EEF2K: variants seen among roughly 807,000 people sequenced by gnomAD.
The protein encoded by EEF2K is alternative protein EEF2K.
A neutral mutation model predicts 93.8 loss-of-function variants in EEF2K; 70 were observed. That is an observed-to-expected ratio of 0.75 (90% CI 0.62 to 0.91). The LOEUF is 0.91. Among genes scored for constraint, EEF2K ranks in the 40% least tolerant of loss-of-function variants. The pLI is 0.00. For synonymous variants in EEF2K, 376 were observed against 380.8 expected (o/e 0.99, Z 0.15); for missense variants, 935 against 972.9 (o/e 0.96, Z 0.52).
intron 1 of EEF2K, among the ~76,000 whole-genome samples, chr16:22,216,494 A>G (rs562514393): frequency 6.6e-6 from 1 of 152,306 alleles, no homozygotes; most frequent in South Asian, 2.1e-4. Context: ...TCACTCATTC[A>G]CAGCACAAAA....
chr16:22,224,657 AGAAAAAG>A (rs1373818448), intron 1 of EEF2K, among the ~76,000 whole-genome samples: 5 of 124,320 alleles, frequency 4.0e-5, no homozygotes, highest in Non-Finnish European at 6.3e-5. Context: ...AGAAAAGAAA[AGAAAAAG>A]AAAAAAGTCC....
chr16:22,270,434 T>C (rs2047567520), intron 15 of EEF2K, among the ~76,000 whole-genome samples: 1 of 151,792 alleles, frequency 6.6e-6, no homozygotes, highest in South Asian at 2.1e-4. Context: ...CTAATTTTTG[T>C]ATGTTTAGTG....
chr16:22,209,798 T>C (rs1273466557), intron 1 of EEF2K, among the ~76,000 whole-genome samples: 1 of 152,156 alleles, frequency 6.6e-6, no homozygotes, highest in Non-Finnish European at 1.5e-5. Flanking sequence ...GGCTTCTTTT[T>C]TGTTGTTGTT....
At chr16:22,260,575 G>A in intron 11 of EEF2K, 46 bp downstream of exon 11, 1 of 1,611,746 alleles carries the variant, frequency 6.2e-7, no homozygotes, top group East Asian at 2.2e-5. Context: ...CCCCAGCAGG[G>A]GTAGGAGTGG....
intron 6 of EEF2K, among the ~76,000 whole-genome samples, chr16:22,252,464 C>T (rs768738140): frequency 3.3e-5 from 5 of 152,152 alleles, no homozygotes; most frequent in African/African-American, 9.7e-5. Flanking sequence ...CCCAGAGCTG[C>T]GTTTCATTGG....
At chr16:22,242,477 T>A (rs1017683807) in intron 2 of EEF2K, among the ~76,000 whole-genome samples, 1 of 142,092 alleles carries the variant, frequency 7.0e-6, no homozygotes, top group African/African-American at 2.5e-5. Context: ...TGCACCCAGC[T>A]TTTTTTTTTT....
intron 15 of EEF2K, among the ~76,000 whole-genome samples, chr16:22,271,222 G>A (rs912989098): frequency 2.0e-5 from 3 of 151,492 alleles, no homozygotes; most frequent in Non-Finnish European, 2.9e-5. Context: ...TGCCCACCTC[G>A]GCCTCCCAAA....
rs879665459 is a variant in EEF2K at position 22,270,123 on chromosome 16, C to CT, written c.1764+3259dup. ...AGGTGCCTGCCACCAAACCCGGCTA[C>CT]TTTTTTTTTTTTGAGATGAAGTCTT... On this transcript the variant is annotated intron_variant, in intron 15 of 17. Transcript: ENST00000263026. Among the ~76,000 whole-genome samples, 518 of 144,378 alleles carry CT rather than the reference C, an allele frequency of 3.6e-3. 1 individual carries two copies. Among genetic ancestry groups the CT allele is most frequent in the Middle Eastern group, 0.011 (3 of 282 alleles). The allele number at this position is 144,378 out of a possible 152,430, so 94.7% of individuals were successfully genotyped here. A position where few individuals can be genotyped will look rare whatever the true frequency, so the allele number is the denominator to read the frequency against.
At chr16:22,220,493 C>T (rs2047001319) in intron 1 of EEF2K, among the ~76,000 whole-genome samples, 1 of 152,064 alleles carries the variant, frequency 6.6e-6, no homozygotes, top group Admixed American at 6.6e-5. Flanking sequence ...CTCTGTTGCC[C>T]AGGCAGTGGC....
At chr16:22,244,961 T>A (rs998902022) in intron 3 of EEF2K, among the ~76,000 whole-genome samples, 5 of 152,112 alleles carry the variant, frequency 3.3e-5, no homozygotes, top group South Asian at 2.1e-4. Context: ...CTAGTTTTTT[T>A]AAATTGTTGC....
At chr16:22,273,983 C>A (rs1434688854) in intron 16 of EEF2K, among the ~76,000 whole-genome samples, 3 of 152,224 alleles carry the variant, frequency 2.0e-5, no homozygotes, top group Non-Finnish European at 4.4e-5. Flanking sequence ...GAGATGCTGA[C>A]TGTAACCCTT....
At chr16:22,281,219 G>A (rs1317671942) in intron 17 of EEF2K, among the ~76,000 whole-genome samples, 2 of 152,142 alleles carry the variant, frequency 1.3e-5, no homozygotes, top group Non-Finnish European at 1.5e-5. Context: ...GAGCCACCAT[G>A]CCTGGCCTCC....
chr16:22,236,731 A>C (rs1039122366), intron 2 of EEF2K, among the ~76,000 whole-genome samples: 2 of 150,086 alleles, frequency 1.3e-5, no homozygotes, highest in African/African-American at 4.9e-5. Context: ...CTCCACCCTC[A>C]CTCCTGGCAT....
intron 4 of EEF2K, 130 bp from the exon 5 acceptor site, chr16:22,250,524 G>C: frequency 1.9e-6 from 2 of 1,078,636 alleles, no homozygotes; most frequent in Non-Finnish European, 2.8e-6. Context: ...AGATCCCCAG[G>C]GATTTCAGGA....
chr16:22,243,117 C>T (rs2047241825), intron 2 of EEF2K, among the ~76,000 whole-genome samples: 1 of 151,840 alleles, frequency 6.6e-6, no homozygotes, highest in African/African-American at 2.4e-5. Flanking sequence ...GGTTCTAGCT[C>T]TGAGCTTAGA....
At chr16:22,233,323 A>G (rs1270432564) in intron 2 of EEF2K, among the ~76,000 whole-genome samples, 4 of 152,132 alleles carry the variant, frequency 2.6e-5, no homozygotes, top group Non-Finnish European at 5.9e-5. Context: ...ATTTTCTAGA[A>G]TAAGCATAGG....
chr16:22,253,503 G>T (rs2047371001), intron 6 of EEF2K, among the ~76,000 whole-genome samples: 1 of 152,106 alleles, frequency 6.6e-6, no homozygotes, highest in East Asian at 1.9e-4. Context: ...GGCCCTGGCT[G>T]TGGGCTTGGC....
chr16:22,247,037 C>CAAAAAAAAAAA (rs57073413), intron 3 of EEF2K, among the ~76,000 whole-genome samples: 1 of 13,696 alleles, frequency 7.3e-5, no homozygotes, highest in Non-Finnish European at 1.7e-4. Flanking sequence ...GACTCCATCT[C>CAAAAAAAAAAA]AAAAAAAAAA....
chr16:22,272,850 C>T (rs912645822), intron 15 of EEF2K, among the ~76,000 whole-genome samples: 2 of 151,964 alleles, frequency 1.3e-5, no homozygotes, highest in South Asian at 2.1e-4. Context: ...TTAGTAGAGA[C>T]GGGGTTTCAC....
Sources: allele counts gnomAD v4.1 joint callset (sites outside exome capture counted in the v4.1 genomes callset), GRCh38; gene constraint gnomAD v4.1.1; transcripts MANE v1.5; gene names NCBI Gene and HGNC (gene_info 2026-07-23, HGNC 2026-07-21).